The following MROH2A variants were observed in gnomAD, a reference collection of about 807,000 sequenced individuals.
MROH2A encodes the protein maestro heat-like repeat-containing protein family member 2A.
Under a neutral mutation model 200.4 loss-of-function variants are expected in MROH2A, and 174 were observed. The ratio of observed to expected loss-of-function variants is 0.87; its 90% CI spans 0.77 to 0.98. The LOEUF is 0.98. Ranked by LOEUF, MROH2A falls within the 50% of genes least tolerant of loss-of-function variation. The probability of loss-of-function intolerance (pLI) is 0.00; values close to 1 mark genes in which losing one functional copy is unlikely to be tolerated. For missense variants in MROH2A, 2,045 were observed against 2,139.6 expected, an observed-to-expected ratio of 0.96 and a Z score of 0.87; for synonymous variants, 829 against 840.4, an observed-to-expected ratio of 0.99 and a Z score of 0.23.
At chr2:233,829,160 A>G (rs940220419) in intron 37 of MROH2A, 88 bp downstream of exon 37, 3 of 1,281,420 alleles carry the variant, frequency 2.3e-6, no homozygotes, top group Non-Finnish European at 3.2e-6. Context: ...CTAGAGCAGA[A>G]AAGAGCCGAG....
intron 26 of MROH2A, 75 bp from the exon 27 acceptor site, chr2:233,816,706 G>A (rs1703556328): frequency 5.3e-6 from 5 of 950,544 alleles, no homozygotes; most frequent in Middle Eastern, 5.4e-4. Flanking sequence ...AGGGTGAGGT[G>A]GGCAAAAGCT....
chr2:233,795,474 G>C (rs1351454337), intron 8 of MROH2A, 179 bp from the exon 9 acceptor site: 2 of 968,466 alleles, frequency 2.1e-6, no homozygotes, highest in Non-Finnish European at 3.1e-6. Context: ...CTGGGGGCTG[G>C]GTGAAATGCA....
intron 3 of MROH2A, among the ~76,000 whole-genome samples, chr2:233,783,202 T>C (rs936017365): frequency 3.9e-5 from 6 of 152,168 alleles, no homozygotes; most frequent in African/African-American, 1.4e-4. Context: ...TCTTGTCTGG[T>C]TTTTCTATCA....
Position 233,810,925 on chromosome 2 carries a change from G to A in MROH2A, c.2571+9G>A. ...TTACCAGCATTATAGTGGTAAGCTG[G>A]GTGGGGCACCTCCTTGGTCCTGTTC... On this transcript the variant is annotated intron_variant, in intron 23 of 41. Transcript: ENST00000389758. 1.3e-6 allele frequency: 2 copies of A among 1,549,496 alleles called. No homozygotes were observed. Among genetic ancestry groups the A allele is most frequent in the Non-Finnish European group, 1.7e-6 (2 of 1,146,288 alleles).
At chr2:233,805,536 T>C (rs886174320) in intron 19 of MROH2A, among the ~76,000 whole-genome samples, 2 of 152,236 alleles carry the variant, frequency 1.3e-5, no homozygotes, top group Non-Finnish European at 2.9e-5. Context: ...CTAGTTCTTT[T>C]TTTTGATCCT....
chr2:233,802,338 T>C (rs1397432099), intron 15 of MROH2A, 23 bp downstream of exon 15: 2 of 1,542,508 alleles, frequency 1.3e-6, no homozygotes, highest in Admixed American at 3.9e-5. Context: ...CCTGTCCAGC[T>C]GATTGGATTG....
At chr2:233,815,847 T>G (rs1199607941) in intron 26 of MROH2A, among the ~76,000 whole-genome samples, 3 of 4,012 alleles carry the variant, frequency 7.5e-4, no homozygotes, top group African/African-American at 1.8e-3. Flanking sequence ...AGATTTTGCT[T>G]TTTTTTTTTT....
chr2:233,810,848 A>G lies in MROH2A; in HGVS notation c.2503A>G (p.Ile835Val), dbSNP rs1251731517. ...MKSVVQVTKA[I>V]NNIKDLEDFH... ...GAGTGTTGTGCAGGTTACCAAGGCC[A>G]TCAACAACATCAAGGACCTGGAGGA... is the stretch of plus-strand genomic sequence containing the variant. The change falls in exon 23 of 42, where the codon ATC (isoleucine) becomes GTC (valine). Residue 835 changes from isoleucine (I) to valine (V), a missense_variant. By Grantham distance (29) the Ile-to-Val change is conservative. Around this residue, in one of 3 missense-constraint regions of MROH2A, gnomAD observed 1,201 missense variants for 1,311.3 expected, o/e 0.92. Transcript: ENST00000389758. 1.9e-6 allele frequency: 3 copies of G among 1,550,524 alleles called. No homozygotes were observed. Among genetic ancestry groups the G allele is most frequent in the Admixed American group, 3.9e-5 (2 of 51,014 alleles).
upstream of MROH2A, among the ~76,000 whole-genome samples, chr2:233,777,600 T>A (rs1489341173): frequency 2.6e-5 from 4 of 152,248 alleles, no homozygotes; most frequent in Non-Finnish European, 5.9e-5. Context: ...AAGAGGCTGG[T>A]CCTGAGAGTA....
At chr2:233,784,049 G>A (rs540284107) in intron 3 of MROH2A, among the ~76,000 whole-genome samples, 6 of 151,330 alleles carry the variant, frequency 4.0e-5, no homozygotes, top group African/African-American at 1.5e-4. Flanking sequence ...TTTTGTTTAT[G>A]TCTGCACTGA....
chr2:233,829,200 G>A, intron 37 of MROH2A, 128 bp downstream of exon 37: 1 of 849,526 alleles, frequency 1.2e-6, no homozygotes, highest in South Asian at 2.0e-5. Flanking sequence ...TTAGCGACTG[G>A]CTGATCACGG....
intron 21 of MROH2A, among the ~76,000 whole-genome samples, chr2:233,808,752 CAT>C (rs752030721): frequency 1.6e-3 from 244 of 152,286 alleles, no homozygotes; most frequent in Non-Finnish European, 1.9e-3. Context: ...TCTCCAGCCT[CAT>C]GTGTGCCTGA....
chr2:233,799,663 G>C, intron 12 of MROH2A, 117 bp from the exon 13 acceptor site: 1 of 1,301,784 alleles, frequency 7.7e-7, no homozygotes, highest in South Asian at 1.5e-5. Flanking sequence ...TAATCAGGTA[G>C]TCCCTGAGGC....
At position 233,799,818 on chromosome 2, in the gene MROH2A, T is replaced by G. The variant is rs1294881516; in HGVS notation, c.1368T>G (p.Ala456=). 3.2e-6 allele frequency: 5 copies of G among 1,550,336 alleles called. No homozygotes were observed. The African/African-American group carries it at 5.5e-5, about 17-fold the overall frequency. The change falls in exon 13 of 42, where the codon GCT becomes GCG. Residue 456 remains alanine (A), a synonymous_variant. Transcript: ENST00000389758. The part of the protein sequence containing the change: ...MAILHIIGQL[A]LCGYQERIKG... ...TTCTCCACATCATTGGGCAGTTGGC[T>G]CTCTGTGGCTACCAGGAGAGAATCA...
intron 37 of MROH2A, 96 bp from the exon 38 acceptor site, chr2:233,829,515 AAGGCTCTGC>A: frequency 8.9e-7 from 1 of 1,118,126 alleles, no homozygotes; most frequent in Non-Finnish European, 1.2e-6. Flanking sequence ...AATGATCCAG[AAGGCTCTGC>A]AGGGACCAAG....
intron 35 of MROH2A, among the ~76,000 whole-genome samples, chr2:233,825,013 G>A (rs935920679): frequency 6.6e-6 from 1 of 152,152 alleles, no homozygotes; most frequent in Non-Finnish European, 1.5e-5. Flanking sequence ...GCAGAGGTTT[G>A]TAGTTCTCCT....
Position 233,820,205 on chromosome 2 carries a change from C to A in MROH2A, c.3512+149C>A. 1.6e-6 allele frequency: 1 copy of A among 638,514 alleles called. No individual in the cohort carries two copies. Among genetic ancestry groups the A allele is most frequent in the Non-Finnish European group, 2.4e-6 (1 of 412,986 alleles). The allele number at this position is 638,514 out of a possible 1,614,324, so 39.6% of individuals were successfully genotyped here. A position where few individuals can be genotyped will look rare whatever the true frequency, so the allele number is the denominator to read the frequency against. ...CGAAGCCCTCTTCCTGTACCTCCTG[C>A]AGGAGGTGCCAGCCTCCGACGAGCC... is the stretch of plus-strand genomic sequence containing the variant. On this transcript the variant is annotated intron_variant, in intron 31 of 41. Coordinates refer to ENST00000389758, the MANE Select transcript of MROH2A (RefSeq NM_001394639.1). This position sits in a 1 kb window ranked among gnomAD's most constrained non-coding sequence, Gnocchi z 4.1.
intron 3 of MROH2A, among the ~76,000 whole-genome samples, chr2:233,781,300 G>A (rs1375415043): frequency 6.6e-6 from 1 of 151,980 alleles, no homozygotes; most frequent in Non-Finnish European, 1.5e-5. Context: ...TACTTTTTTT[G>A]AGAAACCTCC....
intron 19 of MROH2A, 77 bp downstream of exon 19, chr2:233,805,188 T>C (rs964581585): frequency 6.1e-5 from 58 of 949,336 alleles, no homozygotes; most frequent in Non-Finnish European, 8.7e-5. Flanking sequence ...GATAACACCG[T>C]GTGTGTGAGA....
Sources: allele counts gnomAD v4.1 joint callset (sites outside exome capture counted in the v4.1 genomes callset), GRCh38; gene constraint gnomAD v4.1.1; regional missense constraint gnomAD v4.1.1; non-coding constraint Gnocchi (gnomAD v3.1); transcripts MANE v1.5; gene names NCBI Gene and HGNC (gene_info 2026-07-23, HGNC 2026-07-21).